The following COX16 variants were observed in gnomAD, a reference collection of about 807,000 sequenced individuals.
The protein encoded by COX16 is cytochrome c oxidase assembly factor COX16.
In COX16, 12 loss-of-function variants were observed where a neutral mutation model predicts 15.4. The observed-to-expected ratio is 0.78, with a 90% CI of 0.50 to 1.26. COX16 has a LOEUF of 1.26. Ranked by LOEUF, COX16 falls within the 50% of genes most tolerant of loss-of-function variation. The pLI, the probability that COX16 is intolerant of heterozygous loss-of-function variation, is 0.00. For synonymous variants in COX16, 46 were observed against 41.1 expected, an observed-to-expected ratio of 1.12 and a Z score of -0.46; for missense variants, 124 against 127.6, an observed-to-expected ratio of 0.97 and a Z score of 0.14.
chr14:70,330,191 G>T (rs1264404947), intron 2 of COX16, among the ~76,000 whole-genome samples: 1 of 152,096 alleles, frequency 6.6e-6, no homozygotes, highest in Non-Finnish European at 1.5e-5. Flanking sequence ...AGAGTATTTA[G>T]ATGAAAAGGT....
intron 1 of COX16, among the ~76,000 whole-genome samples, chr14:70,350,450 C>T (rs1178285448): frequency 1.3e-5 from 2 of 152,132 alleles, no homozygotes; most frequent in Admixed American, 6.5e-5. Flanking sequence ...TACATTGGCG[C>T]GCTCTCGGGG....
At chr14:70,333,620 T>C (rs1001137194) in intron 2 of COX16, among the ~76,000 whole-genome samples, 14 of 152,174 alleles carry the variant, frequency 9.2e-5, no homozygotes, top group Non-Finnish European at 1.9e-4. Context: ...ATTCAGGTTA[T>C]TGGAGTTAAA....
intron 2 of COX16, among the ~76,000 whole-genome samples, chr14:70,333,902 T>C (rs974379031): frequency 3.9e-5 from 6 of 152,158 alleles, no homozygotes; most frequent in African/African-American, 1.2e-4. Flanking sequence ...GTAGAAACTA[T>C]AAAGGCCAGA....
rs952743784 is a variant in COX16, at chr14:70,325,401, G to A, written c.*932C>T. 1 of 152,212 alleles carries A rather than the reference G, an allele frequency of 6.6e-6. No homozygotes were observed. Among genetic ancestry groups the A allele is most frequent in the Non-Finnish European group, 1.5e-5 (1 of 68,068 alleles). The allele number at this position is 152,212 out of a possible 1,614,324, so 9.4% of individuals were successfully genotyped here. ...TGGAGACCATCCTGGCTAACGTGGT[G>A]AAACCCCATCTCTACTAAATACAAA... On this transcript the variant is annotated 3_prime_UTR_variant, in exon 4 of 4. Transcript: ENST00000389912.
At chr14:70,346,215 C>T (rs957990676) in intron 1 of COX16, among the ~76,000 whole-genome samples, 4 of 152,176 alleles carry the variant, frequency 2.6e-5, no homozygotes, top group Admixed American at 6.5e-5. Flanking sequence ...TGATGATGGC[C>T]CTCAAACCTC....
chr14:70,355,342 CTTGA>C (rs1333454901), intron 1 of COX16, among the ~76,000 whole-genome samples: 1 of 152,148 alleles, frequency 6.6e-6, no homozygotes, highest in African/African-American at 2.4e-5. Flanking sequence ...TCTTAGTCTC[CTTGA>C]TTGTTTCCTC....
At chr14:70,356,058 T>C (rs1052671434) in intron 1 of COX16, among the ~76,000 whole-genome samples, 6 of 152,126 alleles carry the variant, frequency 3.9e-5, no homozygotes, top group Non-Finnish European at 8.8e-5. Context: ...CTTCACAGTA[T>C]GTACAGCCTG....
intron 1 of COX16, among the ~76,000 whole-genome samples, chr14:70,357,882 G>A (rs574918186): frequency 7.2e-5 from 11 of 152,256 alleles, no homozygotes; most frequent in Admixed American, 2.6e-4. Flanking sequence ...GCAATTCCAC[G>A]TCTAGGTATA....
At chr14:70,345,914 G>C (rs8015367) in intron 1 of COX16, among the ~76,000 whole-genome samples, 100 of 151,454 alleles carry the variant, frequency 6.6e-4, no homozygotes, top group African/African-American at 2.3e-3. Context: ...CCTCCTCGTT[G>C]TCTTCTCAGC....
intron 2 of COX16, among the ~76,000 whole-genome samples, chr14:70,340,686 C>T (rs754732401): frequency 3.9e-5 from 6 of 152,180 alleles, no homozygotes; most frequent in Non-Finnish European, 8.8e-5. Flanking sequence ...CTCTTGCTCC[C>T]CCAATACCCA....
At chr14:70,340,690 A>T (rs1405537837) in intron 2 of COX16, among the ~76,000 whole-genome samples, 3 of 152,140 alleles carry the variant, frequency 2.0e-5, no homozygotes, top group Non-Finnish European at 4.4e-5. Context: ...TGCTCCCCCA[A>T]TACCCATCCA....
At position 70,332,721 on chromosome 14, in the gene COX16, C is replaced by T. The variant is rs187044401; in HGVS notation, c.142-3485G>A. ...ACCTGCCAAGTGACACATGCTCATC[C>T]GTGGCAATGAGAGGGGATCATCAGC... On this transcript the variant is annotated intron_variant, in intron 2 of 3. Transcript: ENST00000389912. Among the ~76,000 whole-genome samples the T allele has an allele frequency of 5.9e-5, 9 of 152,280 alleles. No homozygotes were observed. In the East Asian group the frequency reaches 1.2e-3, roughly 20 times the overall value.
Position 70,346,378 on chromosome 14 carries a change from A to G in COX16, c.70-3649T>C, listed in dbSNP as rs561706495. Among the ~76,000 whole-genome samples, 66 of 152,326 alleles carry G rather than the reference A, an allele frequency of 4.3e-4. 1 individual carries two copies. The South Asian group carries it at 7.9e-3, about 18-fold the overall frequency. ...AGCTCCACACGGAAGCCTCCTAGCA[A>G]CCTACCTCCACTTGGCACCTTTTCA... is the stretch of plus-strand genomic sequence containing the variant. On this transcript the variant is annotated intron_variant, in intron 1 of 3. Coordinates refer to ENST00000389912, the MANE Select transcript of COX16 (RefSeq NM_016468.7).
rs368695810 is a variant in COX16 at position 70,328,670 on chromosome 14, C to G, written c.204+504G>C. ...TTTACATGCTATGCTTTCCCATGTT[C>G]TTACTGAACAAATGAATTGTTGAAC... On this transcript the variant is annotated intron_variant, in intron 3 of 3. Coordinates refer to ENST00000389912, the MANE Select transcript of COX16 (RefSeq NM_016468.7). Among the ~76,000 whole-genome samples the G allele has an allele frequency of 5.3e-4, 80 of 152,228 alleles. 1 individual carries two copies. In the South Asian group the frequency reaches 0.014, roughly 27 times the overall value.
intron 1 of COX16, among the ~76,000 whole-genome samples, chr14:70,344,505 T>A (rs1441028431): frequency 6.6e-6 from 1 of 152,254 alleles, no homozygotes; most frequent in Admixed American, 6.5e-5. Flanking sequence ...GCGGTTTCAG[T>A]ATTGCTACAA....
At chr14:70,340,825 C>G (rs1020128132) in intron 2 of COX16, among the ~76,000 whole-genome samples, 2 of 152,164 alleles carry the variant, frequency 1.3e-5, no homozygotes, top group Non-Finnish European at 2.9e-5. Flanking sequence ...ATTCTTAAAG[C>G]CTAATTCAAA....
intron 2 of COX16, among the ~76,000 whole-genome samples, chr14:70,336,263 CAAAAAA>C: frequency 8.7e-6 from 1 of 114,982 alleles, no homozygotes; most frequent in South Asian, 3.3e-4. Context: ...CTCAAAAAAA[CAAAAAA>C]CAAAAACAAA....
Position 70,326,189 on chromosome 14 carries a change from A to G in COX16, c.*144T>C, listed in dbSNP as rs1022027601. ...AAAAACCTGTACATGACCTTTAGTG[A>G]AGATTATTTGTCATCAAATTACCCA... On this transcript the variant is annotated 3_prime_UTR_variant, in exon 4 of 4. Transcript: ENST00000389912. The G allele has an allele frequency of 1.8e-6, 1 of 543,128 alleles. No individual in the cohort carries two copies. The highest frequency in any genetic ancestry group is 2.8e-6 in the Non-Finnish European group (1 of 354,444). 33.6% of individuals were successfully genotyped at this position (543,128 alleles called of 1,614,324 possible).
intron 3 of COX16, chr14:70,328,071 G>GTTTTTTTTTTTTTTT (rs1594905215): frequency 3.4e-5 from 2 of 59,068 alleles, no homozygotes; most frequent in Admixed American, 2.0e-4. Context: ...CTGAGAATAA[G>GTTTTTTTTTTTTTTT]ATTTTTTTTT....
Sources: gnomAD v4.1 joint callset for allele counts (sites outside exome capture counted in the v4.1 genomes callset) on GRCh38, gnomAD v4.1.1 for gene constraint, MANE v1.5 for transcripts, NCBI Gene and HGNC (gene_info 2026-07-23, HGNC 2026-07-21) for gene names.